Variants in SCHIP1 observed in about 807,000 individuals in gnomAD.
SCHIP1 encodes schwannomin interacting protein 1, also known as schwannomin-interacting protein 1.
In SCHIP1, 8 loss-of-function variants were observed where a neutral mutation model predicts 29.7. The observed-to-expected ratio is 0.27, with a 90% CI of 0.16 to 0.49. The LOEUF (loss-of-function observed/expected upper bound fraction) is 0.49. SCHIP1 is among the 20% of genes least tolerant of loss of function. The probability of loss-of-function intolerance (pLI) is 0.99; values close to 1 mark genes in which losing one functional copy is unlikely to be tolerated. For synonymous variants in SCHIP1, 76 were observed against 94.9 expected, an observed-to-expected ratio of 0.80 and a Z score of 1.16; for missense variants, 193 against 294.6, an observed-to-expected ratio of 0.66 and a Z score of 2.52.
chr3:159,328,727 G>A, the SCHIP1 span, among the ~76,000 whole-genome samples: 1 of 152,174 alleles, frequency 6.6e-6, no homozygotes, highest in African/African-American at 2.4e-5. Context: ...CACCACACCA[G>A]GGGTCAAGAC....
chr3:159,625,006 G>A, the SCHIP1 span, among the ~76,000 whole-genome samples: 1 of 152,220 alleles, frequency 6.6e-6, no homozygotes, highest in Non-Finnish European at 1.5e-5. Flanking sequence ...GCCACTACAG[G>A]AAAGGAAGAG....
the SCHIP1 span, among the ~76,000 whole-genome samples, chr3:159,596,962 A>C: frequency 6.6e-6 from 1 of 150,828 alleles, no homozygotes; most frequent in Non-Finnish European, 1.5e-5. Context: ...AAAATAAATA[A>C]AGCAGAACAA....
At chr3:159,319,716 G>T in the SCHIP1 span, among the ~76,000 whole-genome samples, 1 of 152,102 alleles carries the variant, frequency 6.6e-6, no homozygotes, top group Non-Finnish European at 1.5e-5. Context: ...TTTGAAATTT[G>T]TTGCTCTTTT....
the SCHIP1 span, among the ~76,000 whole-genome samples, chr3:159,476,316 C>T: frequency 3.9e-5 from 6 of 152,206 alleles, no homozygotes; most frequent in Admixed American, 1.3e-4. Flanking sequence ...TCTTGAGATA[C>T]TAGTGGGTTG....
chr3:159,770,937 A>G, the SCHIP1 span, among the ~76,000 whole-genome samples: 28 of 152,202 alleles, frequency 1.8e-4, no homozygotes, highest in Non-Finnish European at 3.4e-4. Flanking sequence ...ACACATTTTA[A>G]GTGCAGTTTT....
At chr3:159,723,967 A>G in the SCHIP1 span, among the ~76,000 whole-genome samples, 1 of 152,208 alleles carries the variant, frequency 6.6e-6, no homozygotes, top group African/African-American at 2.4e-5. Flanking sequence ...GCTCAATTTT[A>G]TATGTTTTAA....
chr3:159,446,623 TTG>T, the SCHIP1 span, among the ~76,000 whole-genome samples: 11 of 152,178 alleles, frequency 7.2e-5, no homozygotes, highest in Non-Finnish European at 1.5e-4. Flanking sequence ...CCATATTGCC[TTG>T]TGTGTATATA....
chr3:159,387,216 G>A, the SCHIP1 span: 4 of 187,710 alleles, frequency 2.1e-5, no homozygotes, highest in African/African-American at 9.6e-5. Context: ...ACACCCAGAT[G>A]ATGTGGCCAC....
chr3:159,600,107 G>T, the SCHIP1 span, among the ~76,000 whole-genome samples: 1 of 152,068 alleles, frequency 6.6e-6, no homozygotes, highest in Non-Finnish European at 1.5e-5. Context: ...TCCTTTATAG[G>T]TGACTAGGCA....
the SCHIP1 span, among the ~76,000 whole-genome samples, chr3:159,454,102 A>G: frequency 6.6e-6 from 1 of 152,188 alleles, no homozygotes; most frequent in South Asian, 2.1e-4. Flanking sequence ...TCATTCCTGG[A>G]AGATTCAAGT....
the SCHIP1 span, among the ~76,000 whole-genome samples, chr3:159,463,290 T>G: frequency 8.9e-4 from 135 of 152,272 alleles, 2 homozygotes; most frequent in East Asian, 0.024. Context: ...TTGGGAAAGA[T>G]ATCATCAAAT....
chr3:159,638,209 T>C, the SCHIP1 span, among the ~76,000 whole-genome samples: 8 of 152,164 alleles, frequency 5.3e-5, no homozygotes, highest in African/African-American at 1.9e-4. Context: ...TGTACCTCAA[T>C]TTTTTGCTGT....
the SCHIP1 span, among the ~76,000 whole-genome samples, chr3:159,717,106 C>G: frequency 6.6e-6 from 1 of 152,096 alleles, no homozygotes; most frequent in African/African-American, 2.4e-5. Context: ...CTCATGGAAA[C>G]TGAACAACCT....
chr3:159,689,206 G>A, the SCHIP1 span, among the ~76,000 whole-genome samples: 3 of 152,234 alleles, frequency 2.0e-5, no homozygotes, highest in African/African-American at 4.8e-5. Context: ...CCATTTTCAC[G>A]ATATTGATTT....
the SCHIP1 span, among the ~76,000 whole-genome samples, chr3:159,420,000 C>G: frequency 0.01 from 1,563 of 152,260 alleles, 38 homozygotes; most frequent in African/African-American, 0.036. Flanking sequence ...TGTCTGAAAA[C>G]TTATTATTTC....
chr3:159,356,911 C>T, the SCHIP1 span, among the ~76,000 whole-genome samples: 4 of 152,234 alleles, frequency 2.6e-5, no homozygotes, highest in Non-Finnish European at 5.9e-5. Context: ...TTATACTTCT[C>T]ACAATGCTTC....
chr3:159,764,518 T>TC, the SCHIP1 span: 3 of 1,586,764 alleles, frequency 1.9e-6, no homozygotes, highest in Non-Finnish European at 2.6e-6. This position sits in a 1 kb window ranked among gnomAD's most constrained non-coding sequence, Gnocchi z 6.1. Flanking sequence ...CAGTTCACAG[T>TC]CCAACTCCAC....
At chr3:159,368,403 A>G in the SCHIP1 span, among the ~76,000 whole-genome samples, 1 of 152,128 alleles carries the variant, frequency 6.6e-6, no homozygotes, top group African/African-American at 2.4e-5. Flanking sequence ...ACTAACTTTT[A>G]GTTACCATCC....
chr3:159,489,801 G>C, the SCHIP1 span, among the ~76,000 whole-genome samples: 105 of 152,120 alleles, frequency 6.9e-4, 1 homozygote, highest in Non-Finnish European at 7.2e-4. Flanking sequence ...AGAGCTAATA[G>C]AAAGAATTCT....
Sources: allele counts gnomAD v4.1 joint callset (sites outside exome capture counted in the v4.1 genomes callset), GRCh38; gene constraint gnomAD v4.1.1; non-coding constraint Gnocchi (gnomAD v3.1); transcripts MANE v1.5; gene names NCBI Gene and HGNC (gene_info 2026-07-23, HGNC 2026-07-21).